The following DHDDS variants were observed in gnomAD, a reference collection of about 807,000 sequenced individuals.
DHDDS encodes dehydrodolichyl diphosphate synthase subunit, also known as dehydrodolichyl diphosphate synthase complex subunit DHDDS.
A neutral mutation model predicts 46.2 loss-of-function variants in DHDDS; 16 were observed. The ratio of observed to expected loss-of-function variants is 0.35; its 90% CI spans 0.23 to 0.53. The LOEUF (loss-of-function observed/expected upper bound fraction) is 0.53. DHDDS is among the 20% of genes least tolerant of loss of function. The pLI, the probability that DHDDS is intolerant of heterozygous loss-of-function variation, is 0.94. For missense variants in DHDDS, 340 were observed against 423.7 expected, an observed-to-expected ratio of 0.80 and a Z score of 1.73; for synonymous variants, 151 against 163.1, an observed-to-expected ratio of 0.93 and a Z score of 0.56.
At chr1:26,433,129 G>A (rs1365395171) in intron 2 of DHDDS, 121 bp downstream of exon 2, 2 of 1,048,814 alleles carry the variant, frequency 1.9e-6, no homozygotes, top group South Asian at 1.3e-5. Context: ...AATTTAGCAA[G>A]GAAACCAAAG....
At chr1:26,460,765 TTATTTAA>T (rs2075414200) in intron 8 of DHDDS, among the ~76,000 whole-genome samples, 2 of 152,250 alleles carry the variant, frequency 1.3e-5, no homozygotes, top group African/African-American at 4.8e-5. Flanking sequence ...GTAAGTTTTC[TTATTTAA>T]CCTAACAACC....
At chr1:26,443,722 G>C (rs2075240494) in intron 4 of DHDDS, among the ~76,000 whole-genome samples, 1 of 152,150 alleles carries the variant, frequency 6.6e-6, no homozygotes, top group African/African-American at 2.4e-5. Flanking sequence ...GTCTATATTA[G>C]GATGGTGAGA....
intron 8 of DHDDS, chr1:26,462,642 T>C (rs1246246568): frequency 6.6e-6 from 1 of 152,212 alleles, no homozygotes; most frequent in Admixed American, 6.5e-5. Flanking sequence ...CCAAAGGAGC[T>C]TGGTGCATGA....
At chr1:26,459,340 C>T (rs2075400855) in intron 7 of DHDDS, among the ~76,000 whole-genome samples, 1 of 152,208 alleles carries the variant, frequency 6.6e-6, no homozygotes, top group Non-Finnish European at 1.5e-5. Context: ...CTGAATTCCT[C>T]ACCACTAGAG....
At chr1:26,450,277 G>A (rs1049017993) in intron 6 of DHDDS, among the ~76,000 whole-genome samples, 2 of 152,166 alleles carry the variant, frequency 1.3e-5, no homozygotes, top group Non-Finnish European at 2.9e-5. Flanking sequence ...CAAGTACCCA[G>A]TACTACAGAC....
intron 8 of DHDDS, among the ~76,000 whole-genome samples, chr1:26,467,990 A>C (rs993334939): frequency 6.6e-6 from 1 of 152,212 alleles, no homozygotes; most frequent in African/African-American, 2.4e-5. Context: ...GGGCACCCCA[A>C]GTGCTGGAGA....
intron 3 of DHDDS, among the ~76,000 whole-genome samples, chr1:26,438,967 CTG>C (rs1229151481): frequency 1.3e-5 from 2 of 152,214 alleles, no homozygotes; most frequent in Non-Finnish European, 2.9e-5. Flanking sequence ...CAGTCTCACT[CTG>C]TTGCCCAGGC....
Position 26,446,425 on chromosome 1 carries a change from TACA to T in DHDDS, c.438_440del (p.Asn146del). On this transcript the variant is annotated inframe_deletion, in exon 5 of 9. Coordinates refer to ENST00000236342, the MANE Select transcript of DHDDS (RefSeq NM_205861.3). ...ACAAGCTGTACAGGCCACGAAGAAC[TACA>T]ACAAGTAAGTTCTCAGATTTCCCTA... The T allele has an allele frequency of 4.3e-6, 7 of 1,613,570 alleles. No homozygotes were observed. The highest frequency in any genetic ancestry group is 5.9e-6 in the Non-Finnish European group (7 of 1,179,618).
rs1042388583 is a variant in DHDDS, at chr1:26,447,854, C to T, written c.542+194C>T. 4.0e-5 allele frequency: 26 copies of T among 649,682 alleles called. No homozygotes were observed. The African/African-American group carries it at 4.3e-4, about 11-fold the overall frequency. 40.2% of individuals were successfully genotyped at this position (649,682 alleles called of 1,614,324 possible). ...CAACAACAACAACAAAAAAGCAGGC[C>T]TGTACCAAACCATAAAGCCCCTCTG... On this transcript the variant is annotated intron_variant, in intron 6 of 8. Coordinates refer to ENST00000236342, the MANE Select transcript of DHDDS (RefSeq NM_205861.3).
At chr1:26,456,068 C>T (rs1485096422) in intron 6 of DHDDS, among the ~76,000 whole-genome samples, 5 of 152,184 alleles carry the variant, frequency 3.3e-5, no homozygotes, top group African/African-American at 1.2e-4. Context: ...TTCTTCAATT[C>T]TATCTCCTTT....
Position 26,468,964 on chromosome 1 carries a change from G to C in DHDDS, c.835G>C (p.Glu279Gln). 6.2e-7 allele frequency: 1 copy of C among 1,614,168 alleles called. No homozygotes were observed. The highest frequency in any genetic ancestry group is 8.5e-7 in the Non-Finnish European group (1 of 1,180,038). Residue 279 changes from glutamate (E) to glutamine (Q), a missense_variant, in exon 9 of 9, where the codon GAG becomes CAG. Glu to Gln is a conservative substitution (Grantham distance 29, BLOSUM62 2). Around this residue, in one of 2 missense-constraint regions of DHDDS, gnomAD observed 268 missense variants for 300.3 expected, o/e 0.89. Coordinates refer to ENST00000236342, the MANE Select transcript of DHDDS (RefSeq NM_205861.3). ...GGAGAGGGACCAGGCTACAGTGACAGAGCAGCTGCTGCGAGAGGGGCTCCA... is the reference window on the plus strand; with the variant it reads ...GGAGAGGGACCAGGCTACAGTGACACAGCAGCTGCTGCGAGAGGGGCTCCA... ...QLERDQATVT[E>Q]QLLREGLQAS... is the part of the protein sequence containing the mutation.
chr1:26,437,637 G>A (rs2075173493), intron 2 of DHDDS, among the ~76,000 whole-genome samples: 1 of 151,788 alleles, frequency 6.6e-6, no homozygotes, highest in South Asian at 2.1e-4. Flanking sequence ...CATCATACCC[G>A]GCTAATTTTT....
At chr1:26,438,326 G>T in intron 3 of DHDDS, 42 bp downstream of exon 3, 1 of 1,566,672 alleles carries the variant, frequency 6.4e-7, no homozygotes, top group South Asian at 1.1e-5. Flanking sequence ...AGTCTGTGGA[G>T]AGGTAGATTA....
At chr1:26,451,621 ATTTTTTTTTC>A (rs2075321401) in intron 6 of DHDDS, among the ~76,000 whole-genome samples, 1 of 129,444 alleles carries the variant, frequency 7.7e-6, no homozygotes, top group Non-Finnish European at 1.7e-5. Context: ...ACACCCGGCT[ATTTTTTTTTC>A]TTTTTTTTTT....
chr1:26,457,961 A>G, intron 7 of DHDDS, 56 bp downstream of exon 7: 5 of 1,485,410 alleles, frequency 3.4e-6, no homozygotes, highest in East Asian at 4.5e-5. Flanking sequence ...AACTGTATCC[A>G]CAGAATGGAT....
At chr1:26,457,492 A>T (rs2075381452) in intron 6 of DHDDS, among the ~76,000 whole-genome samples, 1 of 151,534 alleles carries the variant, frequency 6.6e-6, no homozygotes, top group Non-Finnish European at 1.5e-5. Context: ...AAATAAATAA[A>T]TACCTTATGT....
Position 26,446,380 on chromosome 1 carries a change from G to A in DHDDS, c.388G>A (p.Asp130Asn), listed in dbSNP as rs1018882817. 1.2e-6 allele frequency: 2 copies of A among 1,613,894 alleles called. No homozygotes were observed. The highest frequency in any genetic ancestry group is 2.7e-5 in the African/African-American group (2 of 74,902). The change falls in exon 5 of 9, where the codon GAT (aspartate) becomes AAT (asparagine). Residue 130 changes from aspartate to asparagine, a missense_variant. Coordinates refer to ENST00000236342, the MANE Select transcript of DHDDS (RefSeq NM_205861.3). ...VLGDLHLLPL[D>N]LQELIAQAVQ... is the part of the protein sequence containing the mutation. ...GGGCGATCTGCACTTGTTGCCCTTG[G>A]ATCTCCAGGAGCTGATTGCACAAGC...
chr1:26,459,978 C>A, intron 7 of DHDDS, 59 bp from the exon 8 acceptor site: 1 of 1,402,238 alleles, frequency 7.1e-7, no homozygotes, highest in East Asian at 2.3e-5. Context: ...GGAGGACTGA[C>A]CAGGGATGCG....
chr1:26,447,781 C>A, intron 6 of DHDDS, 121 bp downstream of exon 6: 1 of 851,902 alleles, frequency 1.2e-6, no homozygotes, highest in Non-Finnish European at 2.0e-6. Context: ...TTGAGGCAGG[C>A]CAGGAGTTCA....
Sources: allele counts gnomAD v4.1 joint callset (sites outside exome capture counted in the v4.1 genomes callset), GRCh38; gene constraint gnomAD v4.1.1; regional missense constraint gnomAD v4.1.1; transcripts MANE v1.5; gene names NCBI Gene and HGNC (gene_info 2026-07-23, HGNC 2026-07-21).